Variants in MATCAP2 observed in about 807,000 individuals in gnomAD.
The protein encoded by MATCAP2 is putative tyrosine carboxypeptidase MATCAP2.
the MATCAP2 span, among the ~76,000 whole-genome samples, chr7:36,331,491 A>G: frequency 1.3e-5 from 2 of 152,310 alleles, no homozygotes; most frequent in African/African-American, 4.8e-5. Context: ...GAGCAGGTAC[A>G]TCTCAATAAA....
the MATCAP2 span, among the ~76,000 whole-genome samples, chr7:36,389,627 G>A: frequency 1.3e-5 from 2 of 152,182 alleles, no homozygotes; most frequent in African/African-American, 4.8e-5. Context: ...GTTGTTGGGG[G>A]TGGAGCCAGG....
chr7:36,384,187 T>A, the MATCAP2 span, among the ~76,000 whole-genome samples: 1 of 152,324 alleles, frequency 6.6e-6, no homozygotes, highest in Admixed American at 6.5e-5. Context: ...GCAAAAGACA[T>A]AATTATTATT....
chr7:36,373,253 T>G, the MATCAP2 span, among the ~76,000 whole-genome samples: 1 of 151,826 alleles, frequency 6.6e-6, no homozygotes. Flanking sequence ...ACAACCAAGT[T>G]AACAAATGAT....
At chr7:36,346,408 G>C in the MATCAP2 span, among the ~76,000 whole-genome samples, 1 of 152,226 alleles carries the variant, frequency 6.6e-6, no homozygotes, top group South Asian at 2.1e-4. Flanking sequence ...AAAAAAAATA[G>C]AATGTAGTAT....
the MATCAP2 span, among the ~76,000 whole-genome samples, chr7:36,379,142 A>G: frequency 6.6e-6 from 1 of 152,178 alleles, no homozygotes. Flanking sequence ...TGAACCAGGT[A>G]CCTCAGTTGG....
At chr7:36,389,784 A>C in the MATCAP2 span, 1 of 622,052 alleles carries the variant, frequency 1.6e-6, no homozygotes, top group Non-Finnish European at 2.6e-6. Context: ...AGGGGCGGGG[A>C]GAGGGCGCCC....
the MATCAP2 span, among the ~76,000 whole-genome samples, chr7:36,338,816 C>T: frequency 2.6e-5 from 4 of 152,186 alleles, no homozygotes; most frequent in Admixed American, 6.5e-5. Flanking sequence ...AGAACCTTGG[C>T]CTCTAGCCTC....
chr7:36,390,287 A>C, the MATCAP2 span: 1 of 593,582 alleles, frequency 1.7e-6, no homozygotes, highest in South Asian at 2.1e-5. Context: ...TCTGTCCTAA[A>C]AGGCTGTTGC....
the MATCAP2 span, among the ~76,000 whole-genome samples, chr7:36,376,341 A>ATG: frequency 2.6e-5 from 4 of 152,046 alleles, no homozygotes; most frequent in Admixed American, 2.6e-4. Flanking sequence ...CCTTCATTTC[A>ATG]TTATTTACCC....
At chr7:36,335,354 T>G in the MATCAP2 span, among the ~76,000 whole-genome samples, 1 of 152,298 alleles carries the variant, frequency 6.6e-6, no homozygotes, top group South Asian at 2.1e-4. Flanking sequence ...CCCTTCTAAT[T>G]TTGACCCTTT....
the MATCAP2 span, chr7:36,325,024 A>C: frequency 6.6e-6 from 1 of 152,224 alleles, no homozygotes; most frequent in East Asian, 1.9e-4. Context: ...AAATATTGCC[A>C]TTTCTGTTTA....
At chr7:36,373,694 C>G in the MATCAP2 span, among the ~76,000 whole-genome samples, 1 of 152,136 alleles carries the variant, frequency 6.6e-6, no homozygotes, top group Non-Finnish European at 1.5e-5. Flanking sequence ...AGTCCTCCCC[C>G]ACTACCTCCC....
At chr7:36,368,842 C>G in the MATCAP2 span, among the ~76,000 whole-genome samples, 5 of 152,152 alleles carry the variant, frequency 3.3e-5, no homozygotes, top group Non-Finnish European at 2.9e-5. Context: ...ATCCTCCCTG[C>G]GTGGAATGTT....
chr7:36,383,830 T>G, the MATCAP2 span: 9 of 1,456,212 alleles, frequency 6.2e-6, no homozygotes, highest in Non-Finnish European at 8.6e-6. Context: ...TTAAAAAGTG[T>G]AAAAGAAGTG....
the MATCAP2 span, among the ~76,000 whole-genome samples, chr7:36,361,786 G>A: frequency 1.3e-5 from 2 of 152,066 alleles, no homozygotes; most frequent in Non-Finnish European, 2.9e-5. Flanking sequence ...CAGTAGAAAG[G>A]ATAAATTGTG....
the MATCAP2 span, among the ~76,000 whole-genome samples, chr7:36,330,042 CTTT>C: frequency 9.1e-6 from 1 of 109,606 alleles, no homozygotes; most frequent in Non-Finnish European, 1.9e-5. Context: ...CTGTGCCGAT[CTTT>C]TTTTTTTTAT....
chr7:36,336,014 G>GT, the MATCAP2 span: 2 of 493,534 alleles, frequency 4.1e-6, no homozygotes, highest in Non-Finnish European at 6.2e-6. Context: ...GGAGGTTGCA[G>GT]TGAGCCGAGA....
At chr7:36,385,861 G>T in the MATCAP2 span, among the ~76,000 whole-genome samples, 61 of 134,006 alleles carry the variant, frequency 4.6e-4, no homozygotes, top group African/African-American at 1.5e-3. Flanking sequence ...ATAAGATAAA[G>T]AAAGAACTGT....
chr7:36,363,347 C>T, the MATCAP2 span, among the ~76,000 whole-genome samples: 3 of 152,116 alleles, frequency 2.0e-5, no homozygotes, highest in South Asian at 2.1e-4. Flanking sequence ...AAAATAAAGC[C>T]GATAGGCAAT....
Sources: allele counts gnomAD v4.1 joint callset (sites outside exome capture counted in the v4.1 genomes callset), GRCh38; gene constraint gnomAD v4.1.1; transcripts MANE v1.5; gene names NCBI Gene and HGNC (gene_info 2026-07-23, HGNC 2026-07-21).